VRK1: variants seen among roughly 807,000 people sequenced by gnomAD.
VRK1 encodes VRK serine/threonine kinase 1.
Under a neutral mutation model 57.1 loss-of-function variants are expected in VRK1, and 33 were observed. The observed-to-expected ratio is 0.58, with a 90% CI of 0.44 to 0.77. The LOEUF is 0.77. Ranked by LOEUF, VRK1 falls within the 30% of genes least tolerant of loss-of-function variation. The pLI, the probability that VRK1 is intolerant of heterozygous loss-of-function variation, is 0.00. For missense variants in VRK1, 413 were observed against 477.3 expected, an observed-to-expected ratio of 0.87 and a Z score of 1.25; for synonymous variants, 137 against 147.8, an observed-to-expected ratio of 0.93 and a Z score of 0.53.
chr14:96,862,942 T>C (rs1888448596), intron 11 of VRK1, among the ~76,000 whole-genome samples: 1 of 152,208 alleles, frequency 6.6e-6, no homozygotes, highest in South Asian at 2.1e-4. Context: ...GTTTAATATA[T>C]GTTTGTATTT....
intron 10 of VRK1, among the ~76,000 whole-genome samples, chr14:96,858,104 C>T (rs1888239683): frequency 6.6e-6 from 1 of 151,980 alleles, no homozygotes; most frequent in Admixed American, 6.6e-5. Context: ...GGGTCTCACT[C>T]TGTTGCCCAG....
intron 9 of VRK1, 86 bp from the exon 10 acceptor site, chr14:96,856,442 C>A: frequency 7.3e-7 from 1 of 1,377,122 alleles, no homozygotes; most frequent in Non-Finnish European, 1.0e-6. Flanking sequence ...GGATGTAGCA[C>A]AATATAGCTT....
chr14:96,821,850 G>A (rs1197271026), intron 1 of VRK1, among the ~76,000 whole-genome samples: 2 of 152,196 alleles, frequency 1.3e-5, no homozygotes, highest in East Asian at 1.9e-4. Context: ...AGCTGCACCA[G>A]TCCCCTTGCT....
At chr14:96,869,363 C>T (rs925310267) in intron 11 of VRK1, among the ~76,000 whole-genome samples, 2 of 152,126 alleles carry the variant, frequency 1.3e-5, no homozygotes, top group African/African-American at 4.8e-5. Context: ...TTCATTTGAA[C>T]CTTCTAATAA....
chr14:96,866,656 A>T (rs948333698), intron 11 of VRK1, among the ~76,000 whole-genome samples: 4 of 151,980 alleles, frequency 2.6e-5, no homozygotes, highest in Non-Finnish European at 2.9e-5. Context: ...CCTCTTTTCA[A>T]CGGGCTTAAG....
chr14:96,837,749 C>G lies in VRK1; in HGVS notation c.161-13C>G. On this transcript the variant is annotated splice_polypyrimidine_tract_variant and intron_variant, in intron 2 of 12. Transcript: ENST00000216639. ...ACTTGTTCTGATATCAAATATTTTA[C>G]TTTTTTAAACAGCTGATATGAATTC... 1 of 1,537,490 alleles carries G rather than the reference C, an allele frequency of 6.5e-7. No homozygotes were observed. The highest frequency in any genetic ancestry group is 8.8e-7 in the Non-Finnish European group (1 of 1,138,878).
At chr14:96,843,096 A>G (rs1887531116) in intron 3 of VRK1, among the ~76,000 whole-genome samples, 1 of 152,236 alleles carries the variant, frequency 6.6e-6, no homozygotes, top group South Asian at 2.1e-4. Context: ...CACATGTACC[A>G]AATGTTGGTC....
intron 11 of VRK1, among the ~76,000 whole-genome samples, chr14:96,865,803 C>G (rs1888564416): frequency 6.6e-6 from 1 of 151,348 alleles, no homozygotes; most frequent in Admixed American, 6.6e-5. Context: ...AAAGTCTTTC[C>G]TTTATGTCAT....
chr14:96,810,163 A>G (rs1400076456), intron 1 of VRK1, among the ~76,000 whole-genome samples: 2 of 152,134 alleles, frequency 1.3e-5, no homozygotes, highest in South Asian at 2.1e-4. Context: ...TCCATTTTCA[A>G]CAGATTGGAT....
intron 1 of VRK1, among the ~76,000 whole-genome samples, chr14:96,808,003 C>CTCTCTCCG (rs776872665): frequency 6.3e-4 from 17 of 26,814 alleles, no homozygotes; most frequent in African/African-American, 2.0e-3. Context: ...CCCTCTCTCC[C>CTCTCTCCG]TCTCTCTCTC....
intron 8 of VRK1, 73 bp downstream of exon 8, chr14:96,855,429 A>G: frequency 1.9e-6 from 3 of 1,608,072 alleles, no homozygotes; most frequent in Non-Finnish European, 2.6e-6. Flanking sequence ...GTTCTTAATT[A>G]TGCATAAGTA....
chr14:96,816,693 C>G (rs962437535), intron 1 of VRK1, among the ~76,000 whole-genome samples: 1 of 152,060 alleles, frequency 6.6e-6, no homozygotes, highest in East Asian at 1.9e-4. Flanking sequence ...ACAAAAAATA[C>G]AAGGAACAGA....
intron 1 of VRK1, among the ~76,000 whole-genome samples, chr14:96,803,521 T>G (rs1203494990): frequency 6.6e-6 from 1 of 152,206 alleles, no homozygotes; most frequent in African/African-American, 2.4e-5. Flanking sequence ...ATCTCTTAAC[T>G]GGCTCCAATT....
At chr14:96,871,269 A>G (rs754209359) in intron 11 of VRK1, among the ~76,000 whole-genome samples, 2 of 152,222 alleles carry the variant, frequency 1.3e-5, no homozygotes, top group South Asian at 4.1e-4. Context: ...TTAATTAGCA[A>G]AATTGCTTGA....
rs901210658 is a variant in VRK1, at chr14:96,872,477, T to A, written c.1069-3553T>A. Among the ~76,000 whole-genome samples, 3 of 152,274 alleles carry A rather than the reference T, an allele frequency of 2.0e-5. No individual in the cohort carries two copies. The East Asian group carries it at 5.8e-4, about 29-fold the overall frequency. The stretch of plus-strand genomic sequence containing the variant: ...AAATAGAGGAGGTTATGAAAATAGT[T>A]TACATGAAATACACAAATGTGTGTA... On this transcript the variant is annotated intron_variant, in intron 11 of 12. Coordinates refer to ENST00000216639, the MANE Select transcript of VRK1 (RefSeq NM_003384.3).
At position 96,852,916 on chromosome 14, in the gene VRK1, G is replaced by A. The variant is rs1280303848; in HGVS notation, c.460G>A (p.Val154Ile). Residue 154 changes from valine (V) to isoleucine (I), a missense_variant, in exon 6 of 13, where the codon GTC becomes ATC. Val to Ile is a conservative substitution (Grantham distance 29, BLOSUM62 3). Around this residue, in one of 3 missense-constraint regions of VRK1, gnomAD observed 151 missense variants for 225.5 expected, o/e 0.67. Transcript: ENST00000216639. ...ANAKRFSRKT[V>I]LQLSLRILDI... ...TGCCAAAAGGTTTTCTCGGAAAACTGTCTTGCAGCTAAGCTTAAGAATTGT... is the reference window on the plus strand; with the variant it reads ...TGCCAAAAGGTTTTCTCGGAAAACTATCTTGCAGCTAAGCTTAAGAATTGT... 6.2e-7 allele frequency: 1 copy of A among 1,613,782 alleles called. No homozygotes were observed. Among genetic ancestry groups the A allele is most frequent in the South Asian group, 1.1e-5 (1 of 91,072 alleles).
In VRK1 at chr14:96,837,763, T is replaced by TG. The variant is rs1480555066; in HGVS notation, c.163dup (p.Asp55GlyfsTer11). On this transcript the variant is annotated frameshift_variant and splice_region_variant, in exon 3 of 13. Coordinates refer to ENST00000216639, the MANE Select transcript of VRK1 (RefSeq NM_003384.3). LOFTEE classifies it high-confidence loss of function. ...CAAATATTTTACTTTTTTAAACAGCTGATATGAATTCTTCAGAGTCAGTTG... is the reference window on the plus strand; with the variant it reads ...CAAATATTTTACTTTTTTAAACAGCTGGATATGAATTCTTCAGAGTCAGTTG... 1 of 1,556,496 alleles carries TG rather than the reference T, an allele frequency of 6.4e-7. No individual in the cohort carries two copies. Among genetic ancestry groups the TG allele is most frequent in the Non-Finnish European group, 8.7e-7 (1 of 1,150,254 alleles).
intron 11 of VRK1, among the ~76,000 whole-genome samples, chr14:96,872,381 A>G (rs961797245): frequency 2.6e-5 from 4 of 152,280 alleles, no homozygotes; most frequent in Middle Eastern, 3.4e-3. Flanking sequence ...CACTGTGCCA[A>G]ACTCATTAAG....
intron 11 of VRK1, among the ~76,000 whole-genome samples, chr14:96,867,458 TG>T (rs1888629558): frequency 5.1e-5 from 1 of 19,470 alleles, no homozygotes; most frequent in Admixed American, 3.4e-4. Flanking sequence ...TGTGCACAAG[TG>T]TGTGTGTGTG....
Sources: gnomAD v4.1 joint callset for allele counts (sites outside exome capture counted in the v4.1 genomes callset) on GRCh38, gnomAD v4.1.1 for gene constraint, gnomAD v4.1.1 regional missense constraint, MANE v1.5 for transcripts, NCBI Gene and HGNC (gene_info 2026-07-23, HGNC 2026-07-21) for gene names.